The following CD2AP variants were observed in gnomAD, a reference collection of about 807,000 sequenced individuals.
CD2AP encodes CD2 associated protein.
Under a neutral mutation model 85.1 loss-of-function variants are expected in CD2AP, and 46 were observed. The ratio of observed to expected loss-of-function variants is 0.54; its 90% CI spans 0.43 to 0.69. The LOEUF (loss-of-function observed/expected upper bound fraction) is 0.69. Ranked by LOEUF, CD2AP falls within the 30% of genes least tolerant of loss-of-function variation. CD2AP has a pLI of 0.00. For synonymous variants in CD2AP, 255 were observed against 252.9 expected (o/e 1.01, Z -0.08); for missense variants, 769 against 729.5 (o/e 1.05, Z -0.62).
intron 5 of CD2AP, among the ~76,000 whole-genome samples, chr6:47,565,948 C>A (rs1767981757): frequency 6.6e-6 from 1 of 152,056 alleles, no homozygotes; most frequent in Non-Finnish European, 1.5e-5. Context: ...ATCCCCATAT[C>A]CCTCCCTCCA....
At chr6:47,509,312 G>A (rs895515874) in intron 2 of CD2AP, among the ~76,000 whole-genome samples, 4 of 151,868 alleles carry the variant, frequency 2.6e-5, no homozygotes, top group Non-Finnish European at 4.4e-5. Flanking sequence ...CAGATATAAT[G>A]AAGAAGTTTG....
intron 2 of CD2AP, 45 bp from the exon 3 acceptor site, chr6:47,533,557 A>C (rs747447021): frequency 3.4e-5 from 54 of 1,580,972 alleles, no homozygotes; most frequent in Non-Finnish European, 4.7e-5. Flanking sequence ...TTTAATATAA[A>C]AAATATAACT....
At chr6:47,554,595 A>T (rs775812493) in intron 4 of CD2AP, 51 bp from the exon 5 acceptor site, 1 of 1,609,530 alleles carries the variant, frequency 6.2e-7, no homozygotes, top group East Asian at 2.2e-5. Flanking sequence ...TAGGGTGACG[A>T]TTTTCACTTA....
At chr6:47,564,602 G>A (rs557691314) in intron 5 of CD2AP, among the ~76,000 whole-genome samples, 1 of 152,106 alleles carries the variant, frequency 6.6e-6, no homozygotes, top group Admixed American at 6.5e-5. Flanking sequence ...ATTATGGGGT[G>A]GAAAGTCAGT....
At chr6:47,589,534 A>ATATC (rs1768724730) in intron 11 of CD2AP, among the ~76,000 whole-genome samples, 1 of 138,354 alleles carries the variant, frequency 7.2e-6, no homozygotes, top group African/African-American at 2.6e-5. Context: ...ATATATACAC[A>ATATC]TATGTACACA....
intron 13 of CD2AP, among the ~76,000 whole-genome samples, chr6:47,605,180 A>C (rs1007417514): frequency 1.3e-5 from 2 of 152,070 alleles, no homozygotes; most frequent in African/African-American, 4.8e-5. Flanking sequence ...CGATTAGACC[A>C]AAGGAATCTG....
intron 16 of CD2AP, among the ~76,000 whole-genome samples, chr6:47,610,320 A>G (rs1769396373): frequency 6.6e-6 from 1 of 152,200 alleles, no homozygotes; most frequent in Non-Finnish European, 1.5e-5. Flanking sequence ...TAAAAAAAGC[A>G]GTTAATCTAA....
chr6:47,604,193 C>T (rs959513694), intron 13 of CD2AP, among the ~76,000 whole-genome samples: 1 of 152,042 alleles, frequency 6.6e-6, no homozygotes, highest in East Asian at 1.9e-4. Context: ...AAATGATTGT[C>T]GTGCCTGTTA....
chr6:47,597,957 T>C (rs1490855190), intron 12 of CD2AP, among the ~76,000 whole-genome samples: 1 of 150,898 alleles, frequency 6.6e-6, no homozygotes, highest in Non-Finnish European at 1.5e-5. Flanking sequence ...TCTTACCACA[T>C]GCAGCAGTAG....
intron 15 of CD2AP, 125 bp downstream of exon 15, chr6:47,608,153 G>A (rs1769326318): frequency 9.6e-6 from 7 of 728,700 alleles, no homozygotes; most frequent in Middle Eastern, 4.7e-4. Context: ...AATAATTGCT[G>A]CTAAAAAATT....
At chr6:47,584,445 T>C (rs892735409) in intron 11 of CD2AP, among the ~76,000 whole-genome samples, 1 of 151,014 alleles carries the variant, frequency 6.6e-6, no homozygotes, top group Admixed American at 6.6e-5. Flanking sequence ...GGCATGTGAA[T>C]GTCTAGTTGA....
At chr6:47,570,314 C>T (rs1294711106) in intron 5 of CD2AP, among the ~76,000 whole-genome samples, 1 of 152,062 alleles carries the variant, frequency 6.6e-6, no homozygotes, top group Non-Finnish European at 1.5e-5. Context: ...AGGGTTTAGG[C>T]TCGATAGACA....
At chr6:47,562,693 C>T (rs1237036822) in intron 5 of CD2AP, 3 of 658,754 alleles carry the variant, frequency 4.6e-6, no homozygotes, top group South Asian at 3.3e-5. Context: ...TTCAGAAGAC[C>T]ACCCTCATCC....
At chr6:47,530,566 C>T (rs1254062595) in intron 2 of CD2AP, among the ~76,000 whole-genome samples, 1 of 151,994 alleles carries the variant, frequency 6.6e-6, no homozygotes, top group Admixed American at 6.6e-5. Context: ...ATTGTTTATT[C>T]ATTTACTTGA....
rs1333993215 is a variant in CD2AP at position 47,526,348 on chromosome 6, T to G, written c.166-7254T>G. On this transcript the variant is annotated intron_variant, in intron 2 of 17. Transcript: ENST00000359314. ...GCAAACTTTACCTTATTTGTAATTT[T>G]GCCTAGAGCCTTGAGGTCTAAGCAA... Among the ~76,000 whole-genome samples the G allele has an allele frequency of 1.3e-3, 201 of 152,308 alleles. 5 individuals are homozygous for G. The highest frequency in any genetic ancestry group is 8.8e-5 in the Non-Finnish European group (6 of 68,020).
intron 4 of CD2AP, among the ~76,000 whole-genome samples, chr6:47,548,660 G>A (rs1767434011): frequency 6.6e-6 from 1 of 151,962 alleles, no homozygotes; most frequent in African/African-American, 2.4e-5. Flanking sequence ...TGTTGACACT[G>A]TTTCACAAGA....
At chr6:47,617,096 C>G (rs1769612335) in intron 17 of CD2AP, among the ~76,000 whole-genome samples, 1 of 152,166 alleles carries the variant, frequency 6.6e-6, no homozygotes, top group African/African-American at 2.4e-5. Flanking sequence ...TCCCAAGTAG[C>G]TGAGACTACA....
At chr6:47,496,732 C>A (rs1765866265) in intron 1 of CD2AP, among the ~76,000 whole-genome samples, 1 of 152,190 alleles carries the variant, frequency 6.6e-6, no homozygotes, top group East Asian at 1.9e-4. Context: ...AGGGAAACCA[C>A]TGTCTAAATC....
rs1388283601 is a variant in CD2AP, at chr6:47,574,237, A to G, written c.715A>G (p.Lys239Glu). The stretch of plus-strand genomic sequence containing the variant: ...AACATCCAGTAGTGAAACAGAAGAG[A>G]AAAAACCAGAAAAGGTGGTAATGAT... ...TRTSSSETEEKKPEKPLILQS... is the reference protein window; with the variant it reads ...TRTSSSETEEEKPEKPLILQS... The change falls in exon 6 of 18, where the codon AAA (lysine) becomes GAA (glutamate). Residue 239 changes from lysine to glutamate, a missense_variant. Coordinates refer to ENST00000359314, the MANE Select transcript of CD2AP (RefSeq NM_012120.3). The G allele has an allele frequency of 3.1e-6, 5 of 1,613,742 alleles. No individual in the cohort carries two copies. The highest frequency in any genetic ancestry group is 4.2e-6 in the Non-Finnish European group (5 of 1,179,824).
Sources: allele counts gnomAD v4.1 joint callset (sites outside exome capture counted in the v4.1 genomes callset), GRCh38; gene constraint gnomAD v4.1.1; transcripts MANE v1.5; gene names NCBI Gene and HGNC (gene_info 2026-07-23, HGNC 2026-07-21).